Variants in MSRA observed in about 807,000 individuals in gnomAD.
MSRA encodes the protein methionine sulfoxide reductase A, also known as mitochondrial peptide methionine sulfoxide reductase.
In MSRA, 54 loss-of-function variants were observed where a neutral mutation model predicts 31.3. That is an observed-to-expected ratio of 1.73 (90% CI 1.39 to 2.17). The LOEUF (loss-of-function observed/expected upper bound fraction) is 2.17, where lower values mean the gene tolerates loss of function less well. Ranked by LOEUF, MSRA falls within the 30% of genes most tolerant of loss-of-function variation. MSRA has a pLI of 0.00. For synonymous variants in MSRA, 169 were observed against 116.5 expected (o/e 1.45, Z -2.90); for missense variants, 507 against 300.9 (o/e 1.69, Z -5.07).
intron 3 of MSRA, among the ~76,000 whole-genome samples, chr8:10,264,948 G>T (rs1426795853): frequency 6.6e-6 from 1 of 152,150 alleles, no homozygotes; most frequent in Non-Finnish European, 1.5e-5. Flanking sequence ...CTCTCAGTAT[G>T]TGCAGCCACT....
intron 1 of MSRA, among the ~76,000 whole-genome samples, chr8:10,148,803 A>G (rs1421724463): frequency 4.5e-5 from 3 of 66,694 alleles, no homozygotes; most frequent in Non-Finnish European, 8.6e-5. Flanking sequence ...CCCTGTCGCA[A>G]AAAAAAAAAA....
At chr8:10,381,351 CTGAG>C in intron 5 of MSRA, among the ~76,000 whole-genome samples, 1 of 152,308 alleles carries the variant, frequency 6.6e-6, no homozygotes, top group African/African-American at 2.4e-5. Context: ...TTGTTTCACC[CTGAG>C]TAATTAGCCA....
At chr8:10,103,465 C>T (rs1799666171) in intron 1 of MSRA, among the ~76,000 whole-genome samples, 1 of 152,110 alleles carries the variant, frequency 6.6e-6, no homozygotes. Context: ...GGAAAATCTC[C>T]AAAACTCTAA....
intron 2 of MSRA, among the ~76,000 whole-genome samples, chr8:10,231,638 C>T (rs1811482475): frequency 6.6e-6 from 1 of 152,148 alleles, no homozygotes; most frequent in Non-Finnish European, 1.5e-5. Context: ...TGCAGTGGCT[C>T]ACGCCTGTAA....
chr8:10,196,588 C>A (rs367676501), intron 1 of MSRA, among the ~76,000 whole-genome samples: 1 of 152,102 alleles, frequency 6.6e-6, no homozygotes, highest in African/African-American at 2.4e-5. Context: ...ATCGCTCTGT[C>A]ACCCAGGCTG....
chr8:10,155,196 G>A (rs1340799411), intron 1 of MSRA, among the ~76,000 whole-genome samples: 2 of 152,082 alleles, frequency 1.3e-5, no homozygotes, highest in Admixed American at 6.5e-5. Flanking sequence ...GTAGGCTTAT[G>A]TCGGTAGGGA....
At chr8:10,365,142 C>CA (rs1171189760) in intron 5 of MSRA, among the ~76,000 whole-genome samples, 8,723 of 60,968 alleles carry the variant, frequency 0.14, 469 homozygotes, top group South Asian at 0.25. Flanking sequence ...GTGAAGCAAC[C>CA]AAAAAAAAAA....
intron 1 of MSRA, among the ~76,000 whole-genome samples, chr8:10,204,046 T>G (rs1017911161): frequency 8.6e-5 from 13 of 152,022 alleles, no homozygotes; most frequent in Non-Finnish European, 1.0e-4. Flanking sequence ...GAAGAAGTTT[T>G]CAACAGAAAA....
intron 5 of MSRA, among the ~76,000 whole-genome samples, chr8:10,334,133 A>G (rs1167587394): frequency 6.6e-6 from 1 of 150,978 alleles, no homozygotes; most frequent in Non-Finnish European, 1.5e-5. Flanking sequence ...CTGCGTTAAT[A>G]TCATCTCTTA....
intron 3 of MSRA, among the ~76,000 whole-genome samples, chr8:10,292,637 G>A (rs772196839): frequency 2.0e-5 from 3 of 152,204 alleles, no homozygotes; most frequent in African/African-American, 2.4e-5. Context: ...CGCAGTGGCC[G>A]GGCTCTCTCC....
intron 2 of MSRA, among the ~76,000 whole-genome samples, chr8:10,217,065 GTTAT>G (rs1221490947): frequency 6.6e-6 from 1 of 152,168 alleles, no homozygotes; most frequent in Non-Finnish European, 1.5e-5. Context: ...GCCAACCCTT[GTTAT>G]TTATTTATTT....
chr8:10,348,357 C>CTTTTTTTTTTTTT (rs34083972), intron 5 of MSRA, among the ~76,000 whole-genome samples: 6 of 64,272 alleles, frequency 9.3e-5, no homozygotes, highest in Admixed American at 2.6e-4. Flanking sequence ...AAATTATTGC[C>CTTTTTTTTTTTTT]TTTTTTTTTT....
At chr8:10,271,249 T>C (rs1278432174) in intron 3 of MSRA, among the ~76,000 whole-genome samples, 1 of 152,144 alleles carries the variant, frequency 6.6e-6, no homozygotes, top group East Asian at 1.9e-4. Context: ...GCAAGGGGAA[T>C]AGAGAAATGC....
chr8:10,398,991 C>T (rs962011464), intron 5 of MSRA, among the ~76,000 whole-genome samples: 5 of 152,136 alleles, frequency 3.3e-5, no homozygotes, highest in Admixed American at 1.3e-4. Context: ...GGAAAAAGCC[C>T]GAGGACTGGG....
At chr8:10,257,836 C>T (rs969724536) in intron 3 of MSRA, among the ~76,000 whole-genome samples, 1 of 152,152 alleles carries the variant, frequency 6.6e-6, no homozygotes, top group African/African-American at 2.4e-5. Context: ...TTCTATTTTT[C>T]TGACAGGACA....
At chr8:10,202,720 G>A in intron 1 of MSRA, among the ~76,000 whole-genome samples, 1 of 152,220 alleles carries the variant, frequency 6.6e-6, no homozygotes, top group East Asian at 1.9e-4. Flanking sequence ...GTTCACACAG[G>A]TGATAATACC....
intron 5 of MSRA, among the ~76,000 whole-genome samples, chr8:10,384,603 G>A (rs754217028): frequency 4.6e-5 from 7 of 152,242 alleles, no homozygotes; most frequent in East Asian, 1.9e-4. Flanking sequence ...ACACAGGCAC[G>A]AGTAGGTATT....
chr8:10,225,503 A>G (rs1810916039), intron 2 of MSRA, among the ~76,000 whole-genome samples: 1 of 152,198 alleles, frequency 6.6e-6, no homozygotes, highest in Non-Finnish European at 1.5e-5. Context: ...TTGTCGATAG[A>G]AGTGGGAAAA....
In MSRA at chr8:10,230,696, A is replaced by C. The variant is rs192464217; in HGVS notation, c.212-14408A>C. On this transcript the variant is annotated intron_variant, in intron 2 of 5. Transcript: ENST00000317173. ...TTGGAATAAACTGAAGAGCAAAAAG[A>C]AGAACATAAAAATCACCTGTAATCT... is the stretch of plus-strand genomic sequence containing the variant. Among the ~76,000 whole-genome samples the C allele has an allele frequency of 9.1e-4, 139 of 152,322 alleles. 1 individual carries two copies. The highest frequency in any genetic ancestry group is 3.1e-3 in the African/African-American group (128 of 41,554).
Sources: allele counts gnomAD v4.1 joint callset (sites outside exome capture counted in the v4.1 genomes callset), GRCh38; gene constraint gnomAD v4.1.1; transcripts MANE v1.5; gene names NCBI Gene and HGNC (gene_info 2026-07-23, HGNC 2026-07-21).